The following EPB41L4A variants were observed in gnomAD, a reference collection of about 807,000 sequenced individuals.
The protein encoded by EPB41L4A is erythrocyte membrane protein band 4.1 like 4A, also known as band 4.1-like protein 4A.
In EPB41L4A, 100 loss-of-function variants were observed where a neutral mutation model predicts 108.6. The ratio of observed to expected loss-of-function variants is 0.92; its 90% CI spans 0.78 to 1.09. EPB41L4A has a LOEUF of 1.09. EPB41L4A is among the 50% of genes least tolerant of loss of function. EPB41L4A has a pLI of 0.00. For synonymous variants in EPB41L4A, 319 were observed against 289.0 expected, an observed-to-expected ratio of 1.10 and a Z score of -1.05; for missense variants, 1,030 against 842.7, an observed-to-expected ratio of 1.22 and a Z score of -2.75.
intron 3 of EPB41L4A, among the ~76,000 whole-genome samples, chr5:112,275,767 A>G (rs1752592786): frequency 6.6e-6 from 1 of 152,222 alleles, no homozygotes; most frequent in African/African-American, 2.4e-5. Context: ...ATTTCATTAA[A>G]AAAAAATAGT....
At chr5:112,270,618 C>T (rs1752198735) in intron 4 of EPB41L4A, among the ~76,000 whole-genome samples, 1 of 152,060 alleles carries the variant, frequency 6.6e-6, no homozygotes, top group African/African-American at 2.4e-5. Context: ...CTTTAAAGTT[C>T]ACAAAGTCCT....
chr5:112,294,029 T>C (rs1237111116), intron 2 of EPB41L4A, among the ~76,000 whole-genome samples: 1 of 151,990 alleles, frequency 6.6e-6, no homozygotes, highest in Non-Finnish European at 1.5e-5. Flanking sequence ...AATCCTCATA[T>C]AATATGCCTC....
At chr5:112,398,362 A>G (rs1761507946) in intron 1 of EPB41L4A, among the ~76,000 whole-genome samples, 1 of 152,076 alleles carries the variant, frequency 6.6e-6, no homozygotes, top group South Asian at 2.1e-4. Flanking sequence ...CCCATAATAA[A>G]TGCTTCTTTA....
At chr5:112,173,242 C>G (rs569538541) in intron 18 of EPB41L4A, among the ~76,000 whole-genome samples, 1 of 151,976 alleles carries the variant, frequency 6.6e-6, no homozygotes, top group African/African-American at 2.4e-5. Flanking sequence ...TGACAACTAC[C>G]GGAAGTGGTG....
At chr5:112,289,434 G>A (rs1753503701) in intron 2 of EPB41L4A, among the ~76,000 whole-genome samples, 1 of 152,156 alleles carries the variant, frequency 6.6e-6, no homozygotes, top group South Asian at 2.1e-4. Context: ...CAAACTTGAG[G>A]GAATTTGAGT....
intron 9 of EPB41L4A, among the ~76,000 whole-genome samples, chr5:112,246,141 C>T (rs1750196586): frequency 2.0e-5 from 3 of 152,058 alleles, no homozygotes. Context: ...AAAGCCCAGG[C>T]TTTTGTCAGA....
chr5:112,418,946 T>G lies in EPB41L4A; in HGVS notation c.94A>C (p.Ile32Leu). 1 of 1,612,498 alleles carries G rather than the reference T, an allele frequency of 6.2e-7. No individual in the cohort carries two copies. Among genetic ancestry groups the G allele is most frequent in the Non-Finnish European group, 8.5e-7 (1 of 1,179,058 alleles). ...GCGCTCCGGGCCGCACCCACCTTGATGCCCTGCTGCTGGGTGGTAAGGGTT... is the reference window on the plus strand; with the variant it reads ...GCGCTCCGGGCCGCACCCACCTTGAGGCCCTGCTGCTGGGTGGTAAGGGTT... ...KLTLTTQQQG[I>L]KKSTKGSVVL... Residue 32 changes from isoleucine to leucine, a missense_variant, in exon 1 of 23, where the codon ATC (isoleucine) becomes CTC (leucine). Physicochemically the swap from Ile to Leu is conservative, Grantham distance 5 (BLOSUM62 2). Coordinates refer to ENST00000261486, the MANE Select transcript of EPB41L4A (RefSeq NM_022140.5).
intron 12 of EPB41L4A, among the ~76,000 whole-genome samples, chr5:112,227,014 C>T (rs970207376): frequency 3.4e-5 from 5 of 148,990 alleles, no homozygotes; most frequent in African/African-American, 1.2e-4. Context: ...CTAAATGCTA[C>T]TCTGAAGAGT....
chr5:112,294,598 G>T (rs1186677792), intron 2 of EPB41L4A, among the ~76,000 whole-genome samples: 1 of 152,066 alleles, frequency 6.6e-6, no homozygotes, highest in Non-Finnish European at 1.5e-5. Context: ...CTCTGTGGAT[G>T]GTAATGATAA....
rs936554991 is a variant in EPB41L4A, at chr5:112,145,193, G to A, written n.1112+688C>T. 2.6e-5 allele frequency among the ~76,000 whole-genome samples: 4 copies of A among 152,198 alleles called. No individual in the cohort carries two copies. The East Asian group carries it at 5.8e-4, about 22-fold the overall frequency. On this transcript the variant is annotated intron_variant and non_coding_transcript_variant, in intron 13 of 13. Coordinates refer to the EPB41L4A transcript ENST00000507810. The stretch of plus-strand genomic sequence containing the variant: ...TAATCCCAGCTACTTGGGAGGCTGA[G>A]GTGGGAGAATCACTTGAACCTGGGA...
intron 1 of EPB41L4A, among the ~76,000 whole-genome samples, chr5:112,411,794 A>T (rs1455144231): frequency 6.6e-6 from 1 of 152,248 alleles, no homozygotes; most frequent in Non-Finnish European, 1.5e-5. Context: ...AGTCAGGAGC[A>T]GCGAGGATGG....
At position 112,231,612 on chromosome 5, in the gene EPB41L4A, C is replaced by T. The variant is rs575841114; in HGVS notation, c.1087+3022G>A. Among the ~76,000 whole-genome samples, 1,180 of 150,366 alleles carry T rather than the reference C, an allele frequency of 7.8e-3. 15 individuals carry two copies. The highest frequency in any genetic ancestry group is 0.027 in the African/African-American group (1,102 of 40,976). ...CATCCTGGCTAACAAGGTGAAACCC[C>T]GTCTCTACTAAAAATACAAAAAAGT... On this transcript the variant is annotated intron_variant, in intron 12 of 22. Transcript: ENST00000261486.
At chr5:112,203,664 G>A (rs1014250587) in intron 15 of EPB41L4A, among the ~76,000 whole-genome samples, 2 of 152,136 alleles carry the variant, frequency 1.3e-5, no homozygotes, top group Admixed American at 1.3e-4. Context: ...TGCTTTAAAA[G>A]GCGTTTTTCA....
At chr5:112,321,817 T>C (rs138232174) in intron 1 of EPB41L4A, among the ~76,000 whole-genome samples, 1 of 152,198 alleles carries the variant, frequency 6.6e-6, no homozygotes, top group Non-Finnish European at 1.5e-5. Context: ...CTGAAGATGG[T>C]GCATACTACT....
chr5:112,193,926 C>G (rs895796636), intron 17 of EPB41L4A, among the ~76,000 whole-genome samples: 3 of 152,182 alleles, frequency 2.0e-5, no homozygotes, highest in African/African-American at 7.2e-5. Context: ...AACCAAATCC[C>G]TCTGACTCCC....
At chr5:112,315,582 A>C (rs894111683) in intron 1 of EPB41L4A, among the ~76,000 whole-genome samples, 5 of 152,224 alleles carry the variant, frequency 3.3e-5, no homozygotes, top group Non-Finnish European at 7.3e-5. Context: ...ACAGAGATTC[A>C]GTTTACTTTT....
In EPB41L4A at chr5:112,329,956, A is replaced by C. The variant is rs140583094; in HGVS notation, c.100-22466T>G. ...TGACTGTCGGCAAGTCTGCTGAATC[A>C]CTTTCAAACCGGATGTCCTTATTTG... is the stretch of plus-strand genomic sequence containing the variant. On this transcript the variant is annotated intron_variant, in intron 1 of 22. Transcript: ENST00000261486. Among the ~76,000 whole-genome samples the C allele has an allele frequency of 4.3e-3, 654 of 152,298 alleles. 4 individuals are homozygous for C. Among genetic ancestry groups the C allele is most frequent in the Admixed American group, 0.017 (263 of 15,296 alleles).
upstream of EPB41L4A, chr5:112,419,321 G>A (rs983167714): frequency 1.2e-5 from 4 of 346,704 alleles, no homozygotes; most frequent in Non-Finnish European, 2.1e-5. Flanking sequence ...CCTGCGGCTC[G>A]AGCTCCTCCG....
At chr5:112,346,215 C>CTTTTTTTTTTTTTTTTTTTTTTTTTTT (rs1479210695) in intron 1 of EPB41L4A, among the ~76,000 whole-genome samples, 1 of 49,044 alleles carries the variant, frequency 2.0e-5, no homozygotes, top group African/African-American at 4.5e-5. Flanking sequence ...AGGTACATTG[C>CTTTTTTTTTTTTTTTTTTTTTTTTTTT]ATTTTTTTTT....
Sources: allele counts gnomAD v4.1 joint callset (sites outside exome capture counted in the v4.1 genomes callset), GRCh38; gene constraint gnomAD v4.1.1; transcripts MANE v1.5; gene names NCBI Gene and HGNC (gene_info 2026-07-23, HGNC 2026-07-21).